Variants in TACC3 observed in about 807,000 individuals in gnomAD.
TACC3 encodes transforming acidic coiled-coil containing protein 3.
A neutral mutation model predicts 86.0 loss-of-function variants in TACC3; 52 were observed. That is an observed-to-expected ratio of 0.60 (90% confidence interval 0.48 to 0.76). The LOEUF is 0.76. Among genes scored for constraint, TACC3 ranks in the 30% least tolerant of loss-of-function variants. The pLI is 0.00. For missense variants in TACC3, 1,120 were observed against 1,070.4 expected, an observed-to-expected ratio of 1.05 and a Z score of -0.65; for synonymous variants, 512 against 430.0, an observed-to-expected ratio of 1.19 and a Z score of -2.36.
At chr4:1,729,061 C>G (rs1717869303) in intron 4 of TACC3, among the ~76,000 whole-genome samples, 1 of 152,172 alleles carries the variant, frequency 6.6e-6, no homozygotes, top group Non-Finnish European at 1.5e-5. Flanking sequence ...TGCAACCAAC[C>G]CTGGGCAGGA....
In TACC3 at chr4:1,728,488, C is replaced by A. The variant is rs798757; in HGVS notation, c.1086C>A (p.Gly362=). 2 of 1,613,870 alleles carry A rather than the reference C, an allele frequency of 1.2e-6. No homozygotes were observed. The highest frequency in any genetic ancestry group is 1.7e-6 in the Non-Finnish European group (2 of 1,179,984). The stretch of plus-strand genomic sequence containing the variant: ...CAAGGAGACTGGGAGAGAGGTCCGG[C>A]CTCAAGCCTCCCTTGAGGAAAGCAG... ...PPPRRLGERS[G]LKPPLRKAAV... The change falls in exon 4 of 16, where the codon GGC becomes GGA. Residue 362 remains glycine, a synonymous_variant. Coordinates refer to ENST00000313288, the MANE Select transcript of TACC3 (RefSeq NM_006342.3).
Position 1,735,885 on chromosome 4 carries a change from T to C in TACC3, c.1748+51T>C. The C allele has an allele frequency of 7.6e-7, 1 of 1,315,460 alleles. No homozygotes were observed. 81.5% of individuals were successfully genotyped at this position (1,315,460 alleles called of 1,614,324 possible). ...CATGAAGCCTTGAGTGTGGGAAGAC[T>C]GGAGGCTGTTCCTAGGTGTGCTGTC... On this transcript the variant is annotated intron_variant, in intron 8 of 15. Coordinates refer to ENST00000313288, the MANE Select transcript of TACC3 (RefSeq NM_006342.3). This position sits in a 1 kb window ranked among gnomAD's most constrained non-coding sequence, Gnocchi z 4.2.
chr4:1,720,813 T>A (rs1263247187), upstream of TACC3: 15 of 1,591,982 alleles, frequency 9.4e-6, no homozygotes, highest in Non-Finnish European at 8.5e-6. This position sits in a 1 kb window ranked among gnomAD's most constrained non-coding sequence, Gnocchi z 4.4. Context: ...TAGGCGAGAG[T>A]GAAGGTCACC....
chr4:1,734,817 C>T (rs28425493), intron 6 of TACC3, among the ~76,000 whole-genome samples: 27,683 of 152,056 alleles, frequency 0.18, 2,777 homozygotes, highest in African/African-American at 0.21. Flanking sequence ...TGCAGCACCG[C>T]GCCTAGCTAA....
chr4:1,724,949 T>TTTA (rs1553825696), intron 3 of TACC3, among the ~76,000 whole-genome samples: 33 of 148,830 alleles, frequency 2.2e-4, no homozygotes, highest in African/African-American at 6.2e-4. Flanking sequence ...TTTTTTTTTT[T>TTTA]ACACGGAGTT....
At chr4:1,726,523 T>G (rs906228383) in intron 3 of TACC3, among the ~76,000 whole-genome samples, 1 of 152,144 alleles carries the variant, frequency 6.6e-6, no homozygotes, top group Non-Finnish European at 1.5e-5. Flanking sequence ...TGACTGAGCT[T>G]TCTTGTTTTG....
chr4:1,743,425 C>T (rs12511923), intron 13 of TACC3, among the ~76,000 whole-genome samples: 23,973 of 151,842 alleles, frequency 0.16, 2,355 homozygotes, highest in Admixed American at 0.25. Flanking sequence ...TGGTGGCACG[C>T]ACCTGTAGTC....
At chr4:1,740,777 T>C in intron 12 of TACC3, 49 bp from the exon 13 acceptor site, 2 of 1,552,046 alleles carry the variant, frequency 1.3e-6, no homozygotes, top group Non-Finnish European at 1.7e-6. Flanking sequence ...CTGGCACCCA[T>C]CGTTTCGGTT....
chr4:1,737,459 G>A (rs1718334397), intron 9 of TACC3, 131 bp downstream of exon 9: 1 of 1,125,838 alleles, frequency 8.9e-7, no homozygotes, highest in Non-Finnish European at 1.3e-6. Context: ...CCGCTGTGCT[G>A]TTCCCTCGCC....
In TACC3 at chr4:1,743,254, CA is replaced by C. The variant is rs60854843; in HGVS notation, c.2224-1246del. Among the ~76,000 whole-genome samples the C allele has an allele frequency of 1.2e-3, 122 of 104,656 alleles. No homozygotes were observed. The East Asian group carries it at 0.014, about 12-fold the overall frequency. The allele number at this position is 104,656 out of a possible 152,430, so 68.7% of individuals were successfully genotyped here. A position where few individuals can be genotyped will look rare whatever the true frequency, so the allele number is the denominator to read the frequency against. ...CTGGCGATAGAGCGAGACTCCGTCT[CA>C]AAAAAAAAAAAAAAAAAGCCTGGGC... On this transcript the variant is annotated intron_variant, in intron 13 of 15. Transcript: ENST00000313288.
At chr4:1,739,370 T>G in intron 10 of TACC3, 1 of 335,416 alleles carries the variant, frequency 3.0e-6, no homozygotes, top group Non-Finnish European at 5.4e-6. Flanking sequence ...AAACTTGGAG[T>G]TCACTATATT....
chr4:1,723,668 T>C, intron 2 of TACC3, 60 bp from the exon 3 acceptor site: 1 of 1,612,336 alleles, frequency 6.2e-7, no homozygotes, highest in East Asian at 2.2e-5. Flanking sequence ...AGGACACTGC[T>C]GGTGTGGCTG....
intron 15 of TACC3, 58 bp downstream of exon 15, chr4:1,744,890 T>C: frequency 6.2e-7 from 1 of 1,612,010 alleles, no homozygotes; most frequent in Non-Finnish European, 8.5e-7. Flanking sequence ...AGAAGGCCCT[T>C]GGGCCTGCTG....
At chr4:1,724,784 CAG>C (rs931872541) in intron 3 of TACC3, among the ~76,000 whole-genome samples, 5 of 151,926 alleles carry the variant, frequency 3.3e-5, no homozygotes, top group African/African-American at 4.8e-5. Flanking sequence ...TGTTTTGAGA[CAG>C]AGTTTCGCTC....
intron 4 of TACC3, 96 bp from the exon 5 acceptor site, chr4:1,730,787 CAGCA>C: frequency 7.6e-7 from 1 of 1,321,094 alleles, no homozygotes; most frequent in South Asian, 1.2e-5. Context: ...GTGGCCGGCA[CAGCA>C]GTGCAGGGAA....
chr4:1,729,064 G>A (rs954632536), intron 4 of TACC3, among the ~76,000 whole-genome samples: 6 of 152,288 alleles, frequency 3.9e-5, no homozygotes, highest in Non-Finnish European at 7.4e-5. Context: ...AACCAACCCT[G>A]GGCAGGACCC....
At position 1,728,548 on chromosome 4, in the gene TACC3, G is replaced by A; in HGVS notation, c.1146G>A (p.Glu382=). ...AGCAAAAGGCCCCGCAGGAGGTGGA[G>A]GAGGACGACGGTAGGAGCGGAGCAG... ...VRQQKAPQEV[E]EDDGRSGAGE... Residue 382 remains glutamate, a synonymous_variant, in exon 4 of 16, where the codon GAG becomes GAA. Transcript: ENST00000313288. 2 of 1,613,988 alleles carry A rather than the reference G, an allele frequency of 1.2e-6. No homozygotes were observed. The highest frequency in any genetic ancestry group is 1.7e-6 in the Non-Finnish European group (2 of 1,179,974).
intron 13 of TACC3, 93 bp downstream of exon 13, chr4:1,741,079 G>A (rs1718576855): frequency 7.4e-7 from 1 of 1,349,724 alleles, no homozygotes; most frequent in Admixed American, 2.4e-5. Flanking sequence ...TTTGCACCTT[G>A]GTCCTTGGCC....
intron 13 of TACC3, among the ~76,000 whole-genome samples, chr4:1,743,808 AAC>A (rs1239906897): frequency 1.8e-4 from 28 of 152,304 alleles, no homozygotes; most frequent in Admixed American, 1.3e-3. Flanking sequence ...ACAGCAGAGA[AAC>A]ACAGTGCTGT....
Sources: gnomAD v4.1 joint callset for allele counts (sites outside exome capture counted in the v4.1 genomes callset) on GRCh38, gnomAD v4.1.1 for gene constraint, Gnocchi (gnomAD v3.1) non-coding constraint, MANE v1.5 for transcripts, NCBI Gene and HGNC (gene_info 2026-07-23, HGNC 2026-07-21) for gene names.